PLXND1: variants seen among roughly 807,000 people sequenced by gnomAD.
PLXND1 encodes the protein plexin D1.
Under a neutral mutation model 197.7 loss-of-function variants are expected in PLXND1, and 54 were observed. The observed-to-expected ratio is 0.27, with a 90% confidence interval of 0.22 to 0.34. PLXND1 has a LOEUF of 0.34. Ranked by LOEUF, PLXND1 falls within the 10% of genes least tolerant of loss-of-function variation. PLXND1 has a pLI of 1.00. For synonymous variants in PLXND1, 1,180 were observed against 1,161.2 expected (o/e 1.02, Z -0.33); for missense variants, 2,127 against 2,699.2 (o/e 0.79, Z 4.70).
intron 23 of PLXND1, 70 bp from the exon 24 acceptor site, chr3:129,566,087 T>G (rs1220144769): frequency 1.3e-6 from 2 of 1,542,370 alleles, no homozygotes; most frequent in African/African-American, 2.7e-5. Flanking sequence ...CAGCCAGTGC[T>G]TACGACGGCT....
rs182653266 is a variant in PLXND1, at chr3:129,599,812, G to T, written c.1311+5517C>A. ...GGGGAACTGCAGAATTCCCCACCAC[G>T]GAGAGCTCACAGCTCACCAGCCACC... On this transcript the variant is annotated intron_variant, in intron 1 of 35. Transcript: ENST00000324093. Among the ~76,000 whole-genome samples, 4 of 152,238 alleles carry T rather than the reference G, an allele frequency of 2.6e-5. No homozygotes were observed. The East Asian group carries it at 7.7e-4, about 29-fold the overall frequency.
chr3:129,556,394 C>G lies in PLXND1; in HGVS notation c.5696G>C (p.Arg1899Pro), dbSNP rs112866492. 3 of 1,614,042 alleles carry G rather than the reference C, an allele frequency of 1.9e-6. No individual in the cohort carries two copies. Among genetic ancestry groups the G allele is most frequent in the African/African-American group, 2.7e-5 (2 of 74,946 alleles). The change falls in exon 36 of 36, where the codon CGG becomes CCG. Residue 1899 changes from arginine (R) to proline (P), a missense_variant. By Grantham distance (103) the Arg-to-Pro change is moderately radical. Around this residue, in one of 6 missense-constraint regions of PLXND1, gnomAD observed 200 missense variants for 303.3 expected, o/e 0.66. Coordinates refer to ENST00000324093, the MANE Select transcript of PLXND1 (RefSeq NM_015103.3). ...AAACTTGTGCTGCAGTTGTGTCCTC[C>G]GGGCCGTGGGGTTGGCCTCCAGCGC... ...MAALEANPTA[R>P]RTQLQHKFEQ...
chr3:129,604,725 C>A (rs1197489202), intron 1 of PLXND1, among the ~76,000 whole-genome samples: 1 of 152,240 alleles, frequency 6.6e-6, no homozygotes, highest in Non-Finnish European at 1.5e-5. Context: ...CCCTGCCACG[C>A]ACATCCCACT....
intron 1 of PLXND1, among the ~76,000 whole-genome samples, chr3:129,596,206 C>T (rs1244583166): frequency 6.6e-6 from 1 of 152,034 alleles, no homozygotes; most frequent in Non-Finnish European, 1.5e-5. Flanking sequence ...GGCTCGGGAG[C>T]TCCCGAGGAC....
Position 129,556,383 on chromosome 3 carries a change from G to A in PLXND1, c.5707C>T (p.Leu1903=). 6.2e-7 allele frequency: 1 copy of A among 1,614,242 alleles called. No homozygotes were observed. Among genetic ancestry groups the A allele is most frequent in the South Asian group, 1.1e-5 (1 of 91,090 alleles). The part of the protein sequence containing the change: ...EANPTARRTQ[L]QHKFEQVVAL... ...ACCACCTGCTCAAACTTGTGCTGCA[G>A]TTGTGTCCTCCGGGCCGTGGGGTTG... is the stretch of plus-strand genomic sequence containing the variant. Residue 1903 remains leucine, a synonymous_variant, in exon 36 of 36, where the codon CTG becomes TTG. Coordinates refer to ENST00000324093, the MANE Select transcript of PLXND1 (RefSeq NM_015103.3).
At chr3:129,584,609 C>T (rs2085434300) in intron 5 of PLXND1, 47 bp from the exon 6 acceptor site, 2 of 1,543,986 alleles carry the variant, frequency 1.3e-6, no homozygotes, top group African/African-American at 2.7e-5. Flanking sequence ...CTATGCTCCT[C>T]ACAGCCTGCC....
In PLXND1 at chr3:129,562,902, C is replaced by T. The variant is rs1172969313; in HGVS notation, c.4710G>A (p.Leu1570=). The T allele has an allele frequency of 6.2e-7, 1 of 1,609,256 alleles. No individual in the cohort carries two copies. Among genetic ancestry groups the T allele is most frequent in the Admixed American group, 1.7e-5 (1 of 59,934 alleles). The change falls in exon 27 of 36, where the codon CTG becomes CTA. Residue 1570 remains leucine, a synonymous_variant. Transcript: ENST00000324093. ...TGTCGGTGTCCATGGCCCGCACGCTCAGCGAGTCCATGCCACAGCCCTGGA... is the reference window on the plus strand; with the variant it reads ...TGTCGGTGTCCATGGCCCGCACGCTTAGCGAGTCCATGCCACAGCCCTGGA... The part of the protein sequence containing the change: ...VSFQGCGMDS[L]SVRAMDTDTL...
chr3:129,565,573 A>T, intron 24 of PLXND1, 35 bp from the exon 25 acceptor site: 1 of 1,565,440 alleles, frequency 6.4e-7, no homozygotes. Context: ...CTGCACCTTG[A>T]GGCCCTAGGA....
At chr3:129,559,010 C>T (rs2085017600) in intron 32 of PLXND1, among the ~76,000 whole-genome samples, 1 of 152,150 alleles carries the variant, frequency 6.6e-6, no homozygotes, top group African/African-American at 2.4e-5. Context: ...GGGTGAGCAA[C>T]ACCCCCACCC....
intron 2 of PLXND1, 121 bp from the exon 3 acceptor site, chr3:129,586,840 G>C (rs994893108): frequency 8.4e-7 from 1 of 1,184,844 alleles, no homozygotes; most frequent in African/African-American, 1.5e-5. Flanking sequence ...CCCTTCAGGA[G>C]GGGTGGGAAG....
At chr3:129,590,556 C>T (rs1395311413) in intron 1 of PLXND1, among the ~76,000 whole-genome samples, 4 of 152,206 alleles carry the variant, frequency 2.6e-5, no homozygotes, top group Non-Finnish European at 4.4e-5. Context: ...CAGCCCCCAT[C>T]CCGCAGTGAC....
chr3:129,557,322 C>G lies in PLXND1; in HGVS notation c.5446-99G>C. 2.9e-6 allele frequency: 4 copies of G among 1,361,638 alleles called. No individual in the cohort carries two copies. The highest frequency in any genetic ancestry group is 4.1e-6 in the Non-Finnish European group (4 of 973,960). 84.3% of individuals were successfully genotyped at this position (1,361,638 alleles called of 1,614,324 possible). ...CTCATCCCTCCTGCCACATAAGTGA[C>G]CTTAGCAGGCCCCCGAGGCCCAAAG... On this transcript the variant is annotated intron_variant, in intron 33 of 35. Transcript: ENST00000324093. This position sits in a 1 kb window ranked among gnomAD's most constrained non-coding sequence, Gnocchi z 4.8.
chr3:129,557,022 C>T lies in PLXND1; in HGVS notation c.5586+61G>A, dbSNP rs970819927. On this transcript the variant is annotated intron_variant, in intron 34 of 35. Transcript: ENST00000324093. This position sits in a 1 kb window ranked among gnomAD's most constrained non-coding sequence, Gnocchi z 4.8. ...CTCCAGTGGAGGCATTGAGGCCCAG[C>T]CCCCGACCCCCGATCCCTCAGCTCT... 184 of 1,571,254 alleles carry T rather than the reference C, an allele frequency of 1.2e-4. No individual in the cohort carries two copies. Among genetic ancestry groups the T allele is most frequent in the Non-Finnish European group, 1.5e-4 (177 of 1,153,236 alleles).
chr3:129,572,565 G>C, intron 15 of PLXND1, 44 bp downstream of exon 15: 1 of 1,448,376 alleles, frequency 6.9e-7, no homozygotes. Flanking sequence ...CAAGCCCATT[G>C]ATTTCTCTGG....
At chr3:129,578,863 C>T (rs1578334275) in intron 8 of PLXND1, among the ~76,000 whole-genome samples, 1 of 152,174 alleles carries the variant, frequency 6.6e-6, no homozygotes, top group Non-Finnish European at 1.5e-5. Context: ...CTGACTGACC[C>T]GTGTTAAGCG....
chr3:129,572,489 G>A (rs1206230075), intron 15 of PLXND1, 120 bp downstream of exon 15: 5 of 828,128 alleles, frequency 6.0e-6, no homozygotes, highest in Non-Finnish European at 5.4e-6. Context: ...TTGGCTTAGG[G>A]GACACAGCCA....
chr3:129,595,951 T>A (rs1422776665), intron 1 of PLXND1, among the ~76,000 whole-genome samples: 1 of 33,278 alleles, frequency 3.0e-5, no homozygotes, highest in African/African-American at 9.0e-5. Context: ...ACACACACTC[T>A]TGCTGCGTAC....
At chr3:129,568,630 C>G (rs2625974) in intron 20 of PLXND1, among the ~76,000 whole-genome samples, 1 of 152,082 alleles carries the variant, frequency 6.6e-6, no homozygotes, top group Admixed American at 6.5e-5. Flanking sequence ...CTCACTGCAG[C>G]CTCCACCTCC....
rs964411714 is a variant in PLXND1, at chr3:129,558,686, C to A, written c.5298-111G>T. On this transcript the variant is annotated intron_variant, in intron 32 of 35. Transcript: ENST00000324093. This position sits in a 1 kb window ranked among gnomAD's most constrained non-coding sequence, Gnocchi z 4.1. ...GTCCCTCAAGGGCCTGAGGTTGGAG[C>A]CTTGTCACAAGATGTGACCTTTGGG... 1.3e-5 allele frequency: 14 copies of A among 1,087,694 alleles called. No individual in the cohort carries two copies. The highest frequency in any genetic ancestry group is 8.5e-5 in the Admixed American group (4 of 46,988). The allele number at this position is 1,087,694 out of a possible 1,614,324, so 67.4% of individuals were successfully genotyped here. A position where few individuals can be genotyped will look rare whatever the true frequency, so the allele number is the denominator to read the frequency against.
Sources: gnomAD v4.1 joint callset for allele counts (sites outside exome capture counted in the v4.1 genomes callset) on GRCh38, gnomAD v4.1.1 for gene constraint, gnomAD v4.1.1 regional missense constraint, Gnocchi (gnomAD v3.1) non-coding constraint, MANE v1.5 for transcripts, NCBI Gene and HGNC (gene_info 2026-07-23, HGNC 2026-07-21) for gene names.